The following TRMT2B variants were observed in gnomAD, a reference collection of about 807,000 sequenced individuals.
TRMT2B encodes tRNA methyltransferase 2B, also known as tRNA (uracil-5-)-methyltransferase homolog B.
TRMT2B carries 34 observed loss-of-function variants against 39.7 expected under a neutral mutation model. That is an observed-to-expected ratio of 0.86 (90% confidence interval 0.65 to 1.14). The LOEUF (loss-of-function observed/expected upper bound fraction) is 1.14, where lower values mean the gene tolerates loss of function less well. Ranked by LOEUF, TRMT2B falls within the 50% of genes most tolerant of loss-of-function variation. The pLI is 0.00. For missense variants in TRMT2B, 318 were observed against 377.2 expected (o/e 0.84, Z 1.30); for synonymous variants, 132 against 137.3 (o/e 0.96, Z 0.27).
intron 7 of TRMT2B, among the ~76,000 whole-genome samples, chrX:101,027,116 T>C (rs2087139866): frequency 9.0e-6 from 1 of 111,699 alleles, no homozygotes; most frequent in Non-Finnish European, 1.9e-5. Context: ...AATCCAATGG[T>C]CCACTCTAAG....
intron 13 of TRMT2B, among the ~76,000 whole-genome samples, chrX:101,018,246 G>A (rs2086617630): frequency 9.1e-6 from 1 of 110,104 alleles, no homozygotes; most frequent in Admixed American, 9.8e-5. Context: ...GGAGGCTGAG[G>A]CAGGAGGATC....
the TRMT2B span, chrX:100,990,891 C>T: frequency 4.7e-6 from 1 of 213,084 alleles, no homozygotes; most frequent in Non-Finnish European, 8.5e-6. Flanking sequence ...TTTAAAGCCC[C>T]AGACACTGTC....
At chrX:101,031,081 CCT>C (rs950696847) in intron 7 of TRMT2B, among the ~76,000 whole-genome samples, 8 of 110,806 alleles carry the variant, frequency 7.2e-5, no homozygotes, top group African/African-American at 2.0e-4. Context: ...AAGCAATCCC[CCT>C]GTCTCAGCCC....
At chrX:101,046,803 G>C (rs1399232817) in intron 2 of TRMT2B, among the ~76,000 whole-genome samples, 2 of 110,965 alleles carry the variant, frequency 1.8e-5, no homozygotes, top group Admixed American at 9.7e-5. Flanking sequence ...GCGCATGCCT[G>C]TAATCCCACC....
intron 13 of TRMT2B, among the ~76,000 whole-genome samples, chrX:101,011,164 C>T (rs2086233933): frequency 9.0e-6 from 1 of 111,677 alleles, no homozygotes. Flanking sequence ...CTGAAAATTG[C>T]ATTGTTAGGC....
At chrX:100,997,909 A>G in the TRMT2B span, among the ~76,000 whole-genome samples, 1 of 111,736 alleles carries the variant, frequency 8.9e-6, no homozygotes, top group Non-Finnish European at 1.9e-5. Context: ...ACCAACAGGG[A>G]AGGGACTCTG....
chrX:101,020,805 G>A (rs1286703528), intron 10 of TRMT2B, among the ~76,000 whole-genome samples: 1 of 111,666 alleles, frequency 9.0e-6, no homozygotes, highest in Admixed American at 9.6e-5. Context: ...GAGTAGCTAA[G>A]ACTACAGGTT....
At chrX:100,983,588 C>T in the TRMT2B span, among the ~76,000 whole-genome samples, 3 of 111,050 alleles carry the variant, frequency 2.7e-5, no homozygotes, top group Middle Eastern at 4.2e-3. Context: ...AACTCCTGAC[C>T]TCAGGTGATC....
intron 10 of TRMT2B, 132 bp downstream of exon 10, chrX:101,020,969 G>A: frequency 1.9e-6 from 1 of 536,429 alleles, no homozygotes. Flanking sequence ...ACACTTGGCT[G>A]CAGTTGTAGG....
intron 10 of TRMT2B, 96 bp from the exon 11 acceptor site, chrX:101,020,684 G>A (rs1000883093): frequency 1.4e-6 from 1 of 693,429 alleles, no homozygotes. Context: ...TTGTTTGTTT[G>A]TTTTAAACAG....
At chrX:101,033,244 A>C (rs774461764) in intron 7 of TRMT2B, among the ~76,000 whole-genome samples, 9 of 105,265 alleles carry the variant, frequency 8.5e-5, no homozygotes, top group African/African-American at 3.1e-4. Context: ...CGACAAGAGC[A>C]AAACTCCAAG....
chrX:101,007,668 T>TAAATA (rs1265983627), downstream of TRMT2B, among the ~76,000 whole-genome samples: 2 of 111,088 alleles, frequency 1.8e-5, no homozygotes, highest in East Asian at 5.7e-4. Context: ...AATTACTAAC[T>TAAATA]AAATAAAATA....
the TRMT2B span, chrX:100,988,302 G>A: frequency 0.13 from 150,447 of 1,202,426 alleles, 6,840 homozygotes; most frequent in Admixed American, 0.18. Context: ...CCCTTTAAAT[G>A]TTAATATTCA....
the TRMT2B span, among the ~76,000 whole-genome samples, chrX:100,988,846 T>C: frequency 2.1e-5 from 1 of 46,610 alleles, no homozygotes; most frequent in South Asian, 1.2e-3. Flanking sequence ...TGAGATAATA[T>C]ATCTCATATA....
At chrX:100,986,890 C>T in the TRMT2B span, 17 of 1,180,337 alleles carry the variant, frequency 1.4e-5, no homozygotes, top group Middle Eastern at 2.3e-4. Flanking sequence ...GAATAAGTGC[C>T]CATGCCGAGT....
downstream of TRMT2B, among the ~76,000 whole-genome samples, chrX:101,005,457 A>G (rs2086093321): frequency 9.0e-6 from 1 of 111,387 alleles, no homozygotes. Context: ...TGAATTGGCC[A>G]TAAAAAACAT....
chrX:100,988,477 C>T, the TRMT2B span: 5 of 1,184,561 alleles, frequency 4.2e-6, no homozygotes, highest in African/African-American at 8.8e-5. Flanking sequence ...AATGAGAGCT[C>T]AGAATACTAC....
At chrX:101,008,179 T>C (rs2086134483), downstream of TRMT2B, among the ~76,000 whole-genome samples, 2 of 111,698 alleles carry the variant, frequency 1.8e-5, no homozygotes, top group African/African-American at 3.2e-5. Flanking sequence ...TTATAGGTAG[T>C]TGGATACAGG....
chrX:100,979,745 A>C, the TRMT2B span, among the ~76,000 whole-genome samples: 1 of 111,110 alleles, frequency 9.0e-6, no homozygotes, highest in African/African-American at 3.3e-5. Context: ...CTTGAGAAGG[A>C]CTCAAAGGGA....
Sources: gnomAD v4.1 joint callset for allele counts (sites outside exome capture counted in the v4.1 genomes callset) on GRCh38, gnomAD v4.1.1 for gene constraint, MANE v1.5 for transcripts, NCBI Gene and HGNC (gene_info 2026-07-23, HGNC 2026-07-21) for gene names.